Variants in IKZF1 observed in about 807,000 individuals in gnomAD.
IKZF1 encodes the protein IKAROS family zinc finger 1.
A neutral mutation model predicts 51.7 loss-of-function variants in IKZF1; 10 were observed. The ratio of observed to expected loss-of-function variants is 0.19; its 90% CI spans 0.12 to 0.33. The LOEUF (loss-of-function observed/expected upper bound fraction) is 0.33. IKZF1 is among the 10% of genes least tolerant of loss of function. The pLI is 1.00. For missense variants in IKZF1, 484 were observed against 707.5 expected (o/e 0.68, Z 3.58); for synonymous variants, 280 against 282.3 (o/e 0.99, Z 0.08).
At chr7:50,321,708 A>G (rs1584461312) in intron 2 of IKZF1, among the ~76,000 whole-genome samples, 1 of 152,168 alleles carries the variant, frequency 6.6e-6, no homozygotes. Flanking sequence ...TAGAATGTTT[A>G]TATAAGGAAT....
chr7:50,350,286 C>G (rs1283334732), intron 3 of IKZF1, among the ~76,000 whole-genome samples: 1 of 152,230 alleles, frequency 6.6e-6, no homozygotes, highest in African/African-American at 2.4e-5. Context: ...TGAGGTGGAG[C>G]CCAGCTCCAG....
chr7:50,386,736 G>A (rs901458758), intron 5 of IKZF1, among the ~76,000 whole-genome samples: 4 of 151,868 alleles, frequency 2.6e-5, no homozygotes, highest in African/African-American at 7.3e-5. Context: ...AAAATATTTT[G>A]TATTATATAA....
intron 3 of IKZF1, among the ~76,000 whole-genome samples, chr7:50,334,026 C>G (rs1427186927): frequency 6.6e-6 from 1 of 152,214 alleles, no homozygotes; most frequent in African/African-American, 2.4e-5. Flanking sequence ...GAGAGGCCAT[C>G]ATGTAACAGG....
chr7:50,397,058 C>A (rs117383894), intron 7 of IKZF1, among the ~76,000 whole-genome samples: 2,346 of 152,322 alleles, frequency 0.015, 44 homozygotes, highest in South Asian at 0.065. Context: ...CTATCTGAAT[C>A]ATGTCTTTAT....
At chr7:50,332,739 C>A (rs1796689050) in intron 3 of IKZF1, among the ~76,000 whole-genome samples, 1 of 152,204 alleles carries the variant, frequency 6.6e-6, no homozygotes, top group East Asian at 1.9e-4. Flanking sequence ...TACTAAATGA[C>A]TTGCTACCTG....
Position 50,400,663 on chromosome 7 carries a change from C to G in IKZF1, c.*36C>G. The G allele has an allele frequency of 2.5e-6, 4 of 1,571,264 alleles. No homozygotes were observed. The highest frequency in any genetic ancestry group is 3.4e-6 in the Non-Finnish European group (4 of 1,165,184). ...CGCCCCCACCCCAGACCCCGAGCCACCCCAGGAAAAGCACAAGGACTGCCG... is the reference window on the plus strand; with the variant it reads ...CGCCCCCACCCCAGACCCCGAGCCAGCCCAGGAAAAGCACAAGGACTGCCG... On this transcript the variant is annotated 3_prime_UTR_variant, in exon 8 of 8. Transcript: ENST00000331340. The surrounding 1 kb of genome is among the most constrained non-coding windows in gnomAD (Gnocchi z 5.4).
At chr7:50,334,476 G>A (rs1302037516) in intron 3 of IKZF1, among the ~76,000 whole-genome samples, 1 of 151,770 alleles carries the variant, frequency 6.6e-6, no homozygotes. Context: ...GTTGTATGTT[G>A]TGTGTGTCAT....
chr7:50,357,283 G>A (rs12668621), intron 3 of IKZF1, among the ~76,000 whole-genome samples: 41,641 of 151,258 alleles, frequency 0.28, 6,067 homozygotes, highest in Middle Eastern at 0.37. Context: ...AAGGCCTCTG[G>A]AACCAGGCCC....
At chr7:50,350,211 C>T (rs920896359) in intron 3 of IKZF1, among the ~76,000 whole-genome samples, 2 of 152,206 alleles carry the variant, frequency 1.3e-5, no homozygotes, top group Non-Finnish European at 2.9e-5. Context: ...TTGAAGGGAC[C>T]GTGGTCTGAC....
At chr7:50,320,066 G>T (rs1269114446) in intron 2 of IKZF1, among the ~76,000 whole-genome samples, 2 of 152,086 alleles carry the variant, frequency 1.3e-5, no homozygotes, top group Non-Finnish European at 2.9e-5. Context: ...CTCCTCAGCC[G>T]CTCTATTCAT....
chr7:50,358,126 G>T (rs747344458), intron 3 of IKZF1, among the ~76,000 whole-genome samples: 1 of 152,210 alleles, frequency 6.6e-6, no homozygotes, highest in Non-Finnish European at 1.5e-5. Flanking sequence ...AATGGGAAGA[G>T]TGTGTGACCC....
chr7:50,385,529 T>C (rs1813129686), intron 5 of IKZF1, among the ~76,000 whole-genome samples: 2 of 152,234 alleles, frequency 1.3e-5, no homozygotes, highest in Non-Finnish European at 1.5e-5. Context: ...CATGGCTTCC[T>C]TTGGAAGTTG....
intron 3 of IKZF1, among the ~76,000 whole-genome samples, chr7:50,329,560 A>G (rs1795958360): frequency 6.6e-6 from 1 of 152,248 alleles, no homozygotes; most frequent in South Asian, 2.1e-4. Flanking sequence ...TAAAAACATC[A>G]AGTCAATAGT....
intron 3 of IKZF1, among the ~76,000 whole-genome samples, chr7:50,359,337 T>C (rs1293923983): frequency 6.6e-6 from 1 of 152,224 alleles, no homozygotes; most frequent in African/African-American, 2.4e-5. Flanking sequence ...GGTGTGCTTC[T>C]TTGTTAAGAA....
chr7:50,326,849 TC>T (rs1795152398), intron 2 of IKZF1, among the ~76,000 whole-genome samples: 2 of 152,224 alleles, frequency 1.3e-5, no homozygotes, highest in African/African-American at 2.4e-5. Context: ...AGTCTTCTTT[TC>T]CCCACTAAGT....
chr7:50,341,647 C>T (rs1799095707), intron 3 of IKZF1, among the ~76,000 whole-genome samples: 1 of 152,064 alleles, frequency 6.6e-6, no homozygotes, highest in African/African-American at 2.4e-5. Flanking sequence ...CATAATTTGA[C>T]CTGCATATTT....
At chr7:50,373,141 A>G (rs1180433385) in intron 3 of IKZF1, among the ~76,000 whole-genome samples, 1 of 152,194 alleles carries the variant, frequency 6.6e-6, no homozygotes, top group Non-Finnish European at 1.5e-5. Flanking sequence ...GCTTTCCCCC[A>G]TGCTTCTGTT....
rs1184423158 is a variant in IKZF1, at chr7:50,387,378, G to A, written c.623G>A (p.Arg208Gln). 1 of 1,613,272 alleles carries A rather than the reference G, an allele frequency of 6.2e-7. No individual in the cohort carries two copies. The highest frequency in any genetic ancestry group is 8.5e-7 in the Non-Finnish European group (1 of 1,179,668). The change falls in exon 6 of 8, where the codon CGA (arginine) becomes CAA (glutamine). Residue 208 changes from arginine (R) to glutamine (Q), a missense_variant. Physicochemically the swap from Arg to Gln is conservative, Grantham distance 43. Transcript: ENST00000331340. ...GKPHKCGYCG[R>Q]SYKQRSSLEE... Reference sequence around the variant, plus strand: ...CCTCACAAATGTGGATATTGTGGCCGAAGCTATAAACAGCGAAGCTCTTTA... The same window carrying A: ...CCTCACAAATGTGGATATTGTGGCCAAAGCTATAAACAGCGAAGCTCTTTA...
intron 1 of IKZF1, among the ~76,000 whole-genome samples, chr7:50,306,181 TAAAG>T (rs1390770780): frequency 3.3e-5 from 5 of 152,190 alleles, no homozygotes; most frequent in African/African-American, 1.2e-4. Context: ...CAGAACAAGT[TAAAG>T]AAATAATGTG....
Sources: gnomAD v4.1 joint callset for allele counts (sites outside exome capture counted in the v4.1 genomes callset) on GRCh38, gnomAD v4.1.1 for gene constraint, Gnocchi (gnomAD v3.1) non-coding constraint, MANE v1.5 for transcripts, NCBI Gene and HGNC (gene_info 2026-07-23, HGNC 2026-07-21) for gene names.